The following OR6N1 variants were observed in gnomAD, a reference collection of about 807,000 sequenced individuals.
The protein encoded by OR6N1 is olfactory receptor 6N1.
For missense variants in OR6N1, 394 were observed against 371.7 expected (o/e 1.06, Z -0.49); for synonymous variants, 170 against 150.7 (o/e 1.13, Z -0.94).
At chr1:158,811,797 C>T in the OR6N1 span, among the ~76,000 whole-genome samples, 1 of 152,176 alleles carries the variant, frequency 6.6e-6, no homozygotes, top group Non-Finnish European at 1.5e-5. Context: ...ACCATTGAGT[C>T]TCTTCATACC....
At chr1:158,767,406 G>A (rs555591564) in intron 1 of OR6N1, among the ~76,000 whole-genome samples, 166 of 152,250 alleles carry the variant, frequency 1.1e-3, no homozygotes, top group Non-Finnish European at 1.9e-3. Context: ...CACTTCATCA[G>A]TTCTTCCTGC....
chr1:158,808,846 G>A, the OR6N1 span: 3 of 152,286 alleles, frequency 2.0e-5, no homozygotes, highest in African/African-American at 7.3e-5. Flanking sequence ...AGGGCAGAGT[G>A]GCAGTGAGGG....
chr1:158,817,137 T>C, the OR6N1 span, among the ~76,000 whole-genome samples: 51 of 152,380 alleles, frequency 3.3e-4, no homozygotes, highest in South Asian at 2.3e-3. Flanking sequence ...AAACAGCTTA[T>C]AGTTGCTGAC....
chr1:158,806,728 G>C, the OR6N1 span, among the ~76,000 whole-genome samples: 1 of 151,936 alleles, frequency 6.6e-6, no homozygotes, highest in African/African-American at 2.4e-5. Flanking sequence ...GCATTAGAGA[G>C]AGCTTATGTT....
chr1:158,767,547 A>G (rs1657306680), intron 1 of OR6N1, among the ~76,000 whole-genome samples: 1 of 152,364 alleles, frequency 6.6e-6, no homozygotes, highest in Admixed American at 6.5e-5. Flanking sequence ...TGGGCATTAT[A>G]CTTAGAACAG....
At chr1:158,789,219 T>C in the OR6N1 span, among the ~76,000 whole-genome samples, 1 of 152,216 alleles carries the variant, frequency 6.6e-6, no homozygotes, top group Non-Finnish European at 1.5e-5. Context: ...TGTGTGTATA[T>C]GCCACATTTT....
At chr1:158,802,790 T>G in the OR6N1 span, among the ~76,000 whole-genome samples, 1 of 152,214 alleles carries the variant, frequency 6.6e-6, no homozygotes, top group Non-Finnish European at 1.5e-5. Context: ...TTACCATTAC[T>G]TACATTATCA....
chr1:158,779,522 T>C, the OR6N1 span, among the ~76,000 whole-genome samples: 1 of 152,230 alleles, frequency 6.6e-6, no homozygotes, highest in Non-Finnish European at 1.5e-5. Flanking sequence ...TCTTTCAAAC[T>C]CAAATGCCCT....
At position 158,765,553 on chromosome 1, in the gene OR6N1, T is replaced by A. The variant is rs901437274; in HGVS notation, c.*191A>T. On this transcript the variant is annotated 3_prime_UTR_variant, in exon 2 of 2. Transcript: ENST00000641846. ...GATGTGTACTTTCCCTAGTCTCTGG[T>A]CTCAAGCCAAATGTGGCTCCAGCAG... is the stretch of plus-strand genomic sequence containing the variant. 1.8e-6 allele frequency: 1 copy of A among 558,064 alleles called. No individual in the cohort carries two copies. Among genetic ancestry groups the A allele is most frequent in the Admixed American group, 3.1e-5 (1 of 32,220 alleles). The allele number at this position is 558,064 out of a possible 1,614,324, so 34.6% of individuals were successfully genotyped here. A position where few individuals can be genotyped will look rare whatever the true frequency, so the allele number is the denominator to read the frequency against.
chr1:158,795,087 C>T, the OR6N1 span, among the ~76,000 whole-genome samples: 1 of 152,152 alleles, frequency 6.6e-6, no homozygotes, highest in African/African-American at 2.4e-5. Flanking sequence ...AGGCAGTGGC[C>T]CCAGAGGGCA....
the OR6N1 span, among the ~76,000 whole-genome samples, chr1:158,835,855 T>C: frequency 6.6e-6 from 1 of 152,088 alleles, no homozygotes; most frequent in South Asian, 2.1e-4. Context: ...TTTTGTCAAA[T>C]GCTTTATTTA....
At chr1:158,784,097 C>G in the OR6N1 span, among the ~76,000 whole-genome samples, 3 of 152,088 alleles carry the variant, frequency 2.0e-5, no homozygotes, top group South Asian at 6.2e-4. Context: ...CGGAGCGAGA[C>G]TCCCTCTAAA....
At chr1:158,767,579 G>A (rs977953851) in intron 1 of OR6N1, among the ~76,000 whole-genome samples, 5 of 152,136 alleles carry the variant, frequency 3.3e-5, no homozygotes, top group African/African-American at 1.2e-4. Context: ...ATAAAATGTG[G>A]CACCTGATGT....
At chr1:158,803,646 C>T in the OR6N1 span, among the ~76,000 whole-genome samples, 1 of 152,198 alleles carries the variant, frequency 6.6e-6, no homozygotes, top group Non-Finnish European at 1.5e-5. Flanking sequence ...TATTGTCTAA[C>T]TGTATACCTG....
At chr1:158,778,550 G>A in the OR6N1 span, among the ~76,000 whole-genome samples, 1,014 of 152,298 alleles carry the variant, frequency 6.7e-3, 6 homozygotes, top group Admixed American at 0.013. Flanking sequence ...CATAGATGCA[G>A]GGCATCACTG....
At chr1:158,791,146 G>A in the OR6N1 span, among the ~76,000 whole-genome samples, 1 of 152,134 alleles carries the variant, frequency 6.6e-6, no homozygotes, top group Non-Finnish European at 1.5e-5. Context: ...CTTTTTGGAT[G>A]TGCTGTTGTA....
At chr1:158,814,704 C>G in the OR6N1 span, among the ~76,000 whole-genome samples, 3 of 152,126 alleles carry the variant, frequency 2.0e-5, no homozygotes, top group Non-Finnish European at 4.4e-5. Context: ...ATGACCTAAT[C>G]AACTTCCAAA....
At chr1:158,772,600 C>T (rs1657449792), upstream of OR6N1, among the ~76,000 whole-genome samples, 1 of 152,184 alleles carries the variant, frequency 6.6e-6, no homozygotes, top group South Asian at 2.1e-4. Context: ...GACAGGGAGA[C>T]ACTGGGGACA....
the OR6N1 span, among the ~76,000 whole-genome samples, chr1:158,807,830 T>A: frequency 4.4e-5 from 1 of 22,566 alleles, no homozygotes; most frequent in South Asian, 2.6e-3. Context: ...CACTTGTTCT[T>A]GCATCCCTGT....
Sources: gnomAD v4.1 joint callset for allele counts (sites outside exome capture counted in the v4.1 genomes callset) on GRCh38, gnomAD v4.1.1 for gene constraint, MANE v1.5 for transcripts, NCBI Gene and HGNC (gene_info 2026-07-23, HGNC 2026-07-21) for gene names.